The following RIF1 variants were observed in gnomAD, a reference collection of about 807,000 sequenced individuals.
The protein encoded by RIF1 is telomere-associated protein RIF1.
A neutral mutation model predicts 247.1 loss-of-function variants in RIF1; 45 were observed. The ratio of observed to expected loss-of-function variants is 0.18; its 90% CI spans 0.14 to 0.23. RIF1 has a LOEUF of 0.23. Among genes scored for constraint, RIF1 ranks in the 10% least tolerant of loss-of-function variants. The pLI, the probability that RIF1 is intolerant of heterozygous loss-of-function variation, is 1.00. For missense variants in RIF1, 2,967 were observed against 2,862.5 expected (o/e 1.04, Z -0.83); for synonymous variants, 1,087 against 978.8 (o/e 1.11, Z -2.06).
chr2:151,468,310 G>A (rs984796674), intron 31 of RIF1, among the ~76,000 whole-genome samples, 164 bp downstream of exon 31: 10 of 152,262 alleles, frequency 6.6e-5, no homozygotes, highest in African/African-American at 1.4e-4. Context: ...AAGCAGAAAG[G>A]TAAGAGGCAG....
chr2:151,444,200 C>T (rs1692836907), intron 18 of RIF1, among the ~76,000 whole-genome samples: 1 of 152,160 alleles, frequency 6.6e-6, no homozygotes, highest in Non-Finnish European at 1.5e-5. Flanking sequence ...CTGTGGGGCA[C>T]AAGTTCTGTT....
the RIF1 span, chr2:151,527,003 C>T: frequency 8.8e-6 from 14 of 1,598,300 alleles, no homozygotes; most frequent in East Asian, 6.7e-5. Context: ...GAGGAACTCC[C>T]GGTCCAGCTT....
intron 11 of RIF1, chr2:151,501,441 CA>C: frequency 6.5e-7 from 1 of 1,543,238 alleles, no homozygotes. Context: ...TCAGGAGTGA[CA>C]GGTAGGGGAG....
rs373475589 is a variant in RIF1 at position 151,426,946 on chromosome 2, C to G, written c.787-1838C>G. On this transcript the variant is annotated intron_variant, in intron 8 of 35. Coordinates refer to ENST00000444746, the MANE Select transcript of RIF1 (RefSeq NM_018151.5). ...ACAGGTGTTAGCCACTGTGCCAGGC[C>G]TAGGTCTTTAATTTCTTTCAGCAGT... 5.3e-5 allele frequency among the ~76,000 whole-genome samples: 8 copies of G among 152,212 alleles called. No individual in the cohort carries two copies. The East Asian group carries it at 9.7e-4, about 18-fold the overall frequency.
At chr2:151,483,888 T>C (rs930074409), downstream of RIF1, among the ~76,000 whole-genome samples, 1 of 152,242 alleles carries the variant, frequency 6.6e-6, no homozygotes, top group African/African-American at 2.4e-5. Context: ...ACACCTGATC[T>C]GAGGTGGAAC....
chr2:151,413,060 T>G (rs1042184867), intron 3 of RIF1, among the ~76,000 whole-genome samples: 1 of 152,082 alleles, frequency 6.6e-6, no homozygotes, highest in Non-Finnish European at 1.5e-5. Context: ...TTTTTTTTTT[T>G]TTGAGACGGA....
chr2:151,488,335 G>T (rs1291730596), intron 9 of RIF1, among the ~76,000 whole-genome samples: 2 of 152,004 alleles, frequency 1.3e-5, no homozygotes, highest in Non-Finnish European at 2.9e-5. Flanking sequence ...GCCTGGGAAG[G>T]CTTTCCCCTT....
chr2:151,472,924 T>G (rs1315444034), intron 34 of RIF1, among the ~76,000 whole-genome samples: 1 of 152,220 alleles, frequency 6.6e-6, no homozygotes, highest in African/African-American at 2.4e-5. Context: ...TTCTATTGAT[T>G]GGAATAGTTT....
chr2:151,462,390 T>C (rs1361713792), intron 28 of RIF1, 22 bp from the exon 29 acceptor site: 5 of 1,474,590 alleles, frequency 3.4e-6, no homozygotes, highest in Middle Eastern at 4.9e-4. Flanking sequence ...AAAAATAATA[T>C]TCTTACTAAT....
chr2:151,418,704 A>G lies in RIF1; in HGVS notation c.504-1486A>G, dbSNP rs545149116. 2.0e-5 allele frequency among the ~76,000 whole-genome samples: 3 copies of G among 152,132 alleles called. No individual in the cohort carries two copies. In the South Asian group the frequency reaches 6.2e-4, roughly 32 times the overall value. On this transcript the variant is annotated intron_variant, in intron 6 of 35. Transcript: ENST00000444746. Reference sequence around the variant, plus strand: ...AGCCTGGCCAACATGGTGAAACCCCATCTCTACTGAAAATACAAAATCAGC... The same window carrying G: ...AGCCTGGCCAACATGGTGAAACCCCGTCTCTACTGAAAATACAAAATCAGC...
In RIF1 at chr2:151,414,907, T is replaced by G; in HGVS notation, c.268T>G (p.Ser90Ala). 1 of 1,595,940 alleles carries G rather than the reference T, an allele frequency of 6.3e-7. No homozygotes were observed. The highest frequency in any genetic ancestry group is 1.1e-5 in the South Asian group (1 of 90,352). The stretch of plus-strand genomic sequence containing the variant: ...TTGCTTATATAATCCCAAAATTACC[T>G]CAGAATTATCAGGTAGATAAATTTC... ...GFCLYNPKIT[S>A]ELSEANALEL... Residue 90 changes from serine to alanine, a missense_variant, in exon 4 of 36, where the codon TCA becomes GCA. This residue lies in a region of RIF1 where 269 missense variants were observed against 288.6 expected (regional missense o/e 0.93). Coordinates refer to ENST00000444746, the MANE Select transcript of RIF1 (RefSeq NM_018151.5).
intron 21 of RIF1, among the ~76,000 whole-genome samples, 155 bp from the exon 22 acceptor site, chr2:151,454,740 A>G (rs550684975): frequency 1.1e-4 from 16 of 152,278 alleles, no homozygotes; most frequent in African/African-American, 3.9e-4. Context: ...CATTAATGGT[A>G]CATTATGTTA....
At chr2:151,497,661 C>T (rs374656230) in intron 10 of RIF1, 24 of 1,584,638 alleles carry the variant, frequency 1.5e-5, no homozygotes, top group Non-Finnish European at 2.1e-5. Flanking sequence ...TTGACTCTTT[C>T]CATCTCGGGA....
In RIF1 at chr2:151,433,070, T is replaced by C. The variant is rs1690480231; in HGVS notation, c.926-7T>C. 6.2e-7 allele frequency: 1 copy of C among 1,605,616 alleles called. No homozygotes were observed. Among genetic ancestry groups the C allele is most frequent in the African/African-American group, 1.3e-5 (1 of 74,610 alleles). On this transcript the variant is annotated splice_region_variant and splice_polypyrimidine_tract_variant and intron_variant, in intron 9 of 35. Transcript: ENST00000444746. ...TCTCTTTAACTGTGTGCTTATTTTC[T>C]TTTAAGATATACTATGTAGTGCAAA...
downstream of RIF1, among the ~76,000 whole-genome samples, chr2:151,511,738 A>G (rs2074515911): frequency 6.6e-6 from 1 of 152,152 alleles, no homozygotes; most frequent in African/African-American, 2.4e-5. Context: ...ACTTTTCTTC[A>G]TCTCTCTATT....
the RIF1 span, among the ~76,000 whole-genome samples, chr2:151,526,704 A>G: frequency 1.3e-5 from 2 of 152,302 alleles, no homozygotes; most frequent in East Asian, 1.9e-4. Flanking sequence ...TGCAGTATAA[A>G]TCGAGGACTG....
At chr2:151,527,909 GT>G in the RIF1 span, among the ~76,000 whole-genome samples, 1 of 152,056 alleles carries the variant, frequency 6.6e-6, no homozygotes, top group Non-Finnish European at 1.5e-5. Flanking sequence ...CTAAATTCGG[GT>G]TTAATTTTTA....
At chr2:151,470,230 G>T (rs1697587943) in intron 34 of RIF1, among the ~76,000 whole-genome samples, 1 of 151,910 alleles carries the variant, frequency 6.6e-6, no homozygotes, top group Non-Finnish European at 1.5e-5. Flanking sequence ...TCAGTATTGT[G>T]CATATGAACA....
intron 8 of RIF1, among the ~76,000 whole-genome samples, chr2:151,425,824 G>A (rs1233618473): frequency 6.6e-6 from 1 of 151,366 alleles, no homozygotes; most frequent in Non-Finnish European, 1.5e-5. Context: ...GCACTACCAT[G>A]CTCGGCACAT....
Sources: gnomAD v4.1 joint callset for allele counts (sites outside exome capture counted in the v4.1 genomes callset) on GRCh38, gnomAD v4.1.1 for gene constraint, gnomAD v4.1.1 regional missense constraint, MANE v1.5 for transcripts, NCBI Gene and HGNC (gene_info 2026-07-23, HGNC 2026-07-21) for gene names.